Variants in FLI1 observed in about 807,000 individuals in gnomAD.
FLI1 encodes the protein Friend leukemia integration 1 transcription factor.
FLI1 carries 13 observed loss-of-function variants against 53.1 expected under a neutral mutation model. That is an observed-to-expected ratio of 0.24 (90% CI 0.16 to 0.39). FLI1 has a LOEUF of 0.39. FLI1 is among the 10% of genes least tolerant of loss of function. FLI1 has a pLI of 1.00. For synonymous variants in FLI1, 244 were observed against 236.7 expected (o/e 1.03, Z -0.28); for missense variants, 424 against 600.5 (o/e 0.71, Z 3.07).
At chr11:128,766,895 G>A (rs949249283) in intron 2 of FLI1, among the ~76,000 whole-genome samples, 2 of 151,910 alleles carry the variant, frequency 1.3e-5, no homozygotes, top group African/African-American at 2.4e-5. Context: ...AGAACTGGCT[G>A]TCTCCCAGGC....
intron 5 of FLI1, among the ~76,000 whole-genome samples, chr11:128,794,866 A>C (rs573846107): frequency 1.5e-4 from 23 of 152,172 alleles, no homozygotes; most frequent in Non-Finnish European, 2.8e-4. Flanking sequence ...ACTTAAACTC[A>C]GGAGTTCAAG....
intron 1 of FLI1, among the ~76,000 whole-genome samples, chr11:128,710,109 G>T (rs1396616884): frequency 6.6e-6 from 1 of 152,132 alleles, no homozygotes; most frequent in Non-Finnish European, 1.5e-5. Context: ...TTCTCATCAT[G>T]CATCATCAAT....
intron 5 of FLI1, among the ~76,000 whole-genome samples, chr11:128,792,684 T>C (rs2250322): frequency 0.52 from 79,386 of 151,796 alleles, 22,518 homozygotes; most frequent in African/African-American, 0.76. Context: ...TTCATTGTTA[T>C]GCTTTATAAT....
intron 4 of FLI1, among the ~76,000 whole-genome samples, chr11:128,779,675 GA>G (rs1478036773): frequency 3.3e-5 from 5 of 152,234 alleles, no homozygotes; most frequent in Admixed American, 2.6e-4. Context: ...TTACAGATGA[GA>G]AACTGCTGGC....
chr11:128,766,681 C>A (rs1941351926), intron 2 of FLI1, among the ~76,000 whole-genome samples: 1 of 151,862 alleles, frequency 6.6e-6, no homozygotes, highest in African/African-American at 2.4e-5. Flanking sequence ...GCCGTCCCTG[C>A]TTGTGGGATG....
At chr11:128,735,766 C>T (rs1359396225) in intron 1 of FLI1, among the ~76,000 whole-genome samples, 1 of 152,212 alleles carries the variant, frequency 6.6e-6, no homozygotes, top group African/African-American at 2.4e-5. Context: ...CCTCCCCCCA[C>T]CTTTAGATGC....
At chr11:128,715,709 T>C (rs1938979460) in intron 1 of FLI1, among the ~76,000 whole-genome samples, 1 of 152,220 alleles carries the variant, frequency 6.6e-6, no homozygotes, top group South Asian at 2.1e-4. Flanking sequence ...GATGACCTGA[T>C]TGAATTCCAC....
At chr11:128,744,865 A>C (rs1160470702) in intron 1 of FLI1, among the ~76,000 whole-genome samples, 1 of 152,222 alleles carries the variant, frequency 6.6e-6, no homozygotes, top group Non-Finnish European at 1.5e-5. Flanking sequence ...TGGTTAAATA[A>C]ATATAAAAGC....
At chr11:128,689,975 A>C (rs1490877196), upstream of FLI1, among the ~76,000 whole-genome samples, 1 of 151,832 alleles carries the variant, frequency 6.6e-6, no homozygotes, top group Non-Finnish European at 1.5e-5. Flanking sequence ...ATCTTCCTTC[A>C]CTCTGTGAGT....
At chr11:128,748,303 G>C in intron 1 of FLI1, 1 of 974,014 alleles carries the variant, frequency 1.0e-6, no homozygotes, top group Non-Finnish European at 1.2e-6. Flanking sequence ...AAGTGAAAGG[G>C]GAAAGGCACT....
chr11:128,712,452 T>C (rs969782367), intron 1 of FLI1, among the ~76,000 whole-genome samples: 1 of 152,224 alleles, frequency 6.6e-6, no homozygotes, highest in Non-Finnish European at 1.5e-5. Context: ...TGCTGTTCTA[T>C]GGTACACTGT....
chr11:128,696,337 A>C (rs1184050993), intron 1 of FLI1, among the ~76,000 whole-genome samples: 1 of 152,152 alleles, frequency 6.6e-6, no homozygotes, highest in East Asian at 1.9e-4. Flanking sequence ...TTGGTGTTTA[A>C]GTTGTGTGAA....
chr11:128,809,412 T>C (rs1942878350), intron 8 of FLI1, among the ~76,000 whole-genome samples: 1 of 152,206 alleles, frequency 6.6e-6, no homozygotes, highest in Admixed American at 6.5e-5. Context: ...TGAGGATACT[T>C]CTAGGAATAA....
intron 5 of FLI1, among the ~76,000 whole-genome samples, chr11:128,792,144 G>C (rs1247635855): frequency 2.6e-5 from 4 of 152,178 alleles, no homozygotes; most frequent in Non-Finnish European, 4.4e-5. Flanking sequence ...TCACAGGTAT[G>C]ATGTTAAGCC....
At chr11:128,777,235 C>T (rs963956686) in intron 4 of FLI1, among the ~76,000 whole-genome samples, 3 of 152,114 alleles carry the variant, frequency 2.0e-5, no homozygotes, top group African/African-American at 7.2e-5. Flanking sequence ...TTGCGCAAGG[C>T]TGGGAGCCCC....
intron 1 of FLI1, among the ~76,000 whole-genome samples, chr11:128,688,585 G>A (rs962431047): frequency 1.3e-5 from 2 of 151,748 alleles, no homozygotes; most frequent in African/African-American, 2.4e-5. Context: ...CAGGCCCCAT[G>A]AGGGAGGAGC....
intron 1 of FLI1, among the ~76,000 whole-genome samples, chr11:128,694,780 G>T (rs1054661016): frequency 6.6e-6 from 1 of 152,176 alleles, no homozygotes; most frequent in Non-Finnish European, 1.5e-5. Context: ...CTCGTTGCAC[G>T]AGGGTAGGGG....
intron 4 of FLI1, among the ~76,000 whole-genome samples, chr11:128,775,567 C>T (rs1314082987): frequency 6.6e-6 from 1 of 152,162 alleles, no homozygotes; most frequent in African/African-American, 2.4e-5. Flanking sequence ...GGCTGGCGAT[C>T]GTGTCTGCTC....
At chr11:128,730,550 C>T (rs1253677288) in intron 1 of FLI1, among the ~76,000 whole-genome samples, 1 of 152,196 alleles carries the variant, frequency 6.6e-6, no homozygotes, top group Non-Finnish European at 1.5e-5. Context: ...CTGGAACAGA[C>T]ACATGTTTTC....
Sources: allele counts gnomAD v4.1 joint callset (sites outside exome capture counted in the v4.1 genomes callset), GRCh38; gene constraint gnomAD v4.1.1; transcripts MANE v1.5; gene names NCBI Gene and HGNC (gene_info 2026-07-23, HGNC 2026-07-21).